The following FGF14 variants were observed in gnomAD, a reference collection of about 807,000 sequenced individuals.
FGF14 encodes the protein fibroblast growth factor 14.
In FGF14, 5 loss-of-function variants were observed where a neutral mutation model predicts 25.5. The observed-to-expected ratio is 0.20, with a 90% CI of 0.10 to 0.41. The LOEUF is 0.41. FGF14 is among the 10% of genes least tolerant of loss of function. FGF14 has a pLI of 1.00. For synonymous variants in FGF14, 138 were observed against 118.3 expected (o/e 1.17, Z -1.08); for missense variants, 222 against 320.1 (o/e 0.69, Z 2.34).
At chr13:102,351,716 G>T (rs2057285505) in intron 1 of FGF14, among the ~76,000 whole-genome samples, 1 of 152,232 alleles carries the variant, frequency 6.6e-6, no homozygotes, top group African/African-American at 2.4e-5. Context: ...CACCATGGGG[G>T]CCTTTCCACA....
intron 1 of FGF14, among the ~76,000 whole-genome samples, chr13:102,191,902 AT>A (rs1328780604): frequency 2.0e-5 from 3 of 152,210 alleles, no homozygotes; most frequent in Non-Finnish European, 4.4e-5. Flanking sequence ...AAAAGGAAAA[AT>A]TAAGAAAGAA....
At chr13:101,904,127 T>C (rs2031931310) in intron 1 of FGF14, among the ~76,000 whole-genome samples, 1 of 152,192 alleles carries the variant, frequency 6.6e-6, no homozygotes, top group South Asian at 2.1e-4. Flanking sequence ...GTTCAATGGG[T>C]TCATTGCATA....
At position 101,947,217 on chromosome 13, in the gene FGF14, C is replaced by T. The variant is rs140062750; in HGVS notation, c.209-71921G>A. Among the ~76,000 whole-genome samples the T allele has an allele frequency of 8.1e-4, 123 of 152,278 alleles. No individual in the cohort carries two copies. The Middle Eastern group carries it at 0.014, about 17-fold the overall frequency. On this transcript the variant is annotated intron_variant, in intron 1 of 4. Transcript: ENST00000376131. ...GCGAGGCTGCAGAGCAAAAGGAATGCTTATACACTGTTGGTGGGAATATAA... is the reference window on the plus strand; with the variant it reads ...GCGAGGCTGCAGAGCAAAAGGAATGTTTATACACTGTTGGTGGGAATATAA...
At chr13:102,219,336 T>G (rs2050510093) in intron 1 of FGF14, among the ~76,000 whole-genome samples, 3 of 152,164 alleles carry the variant, frequency 2.0e-5, no homozygotes, top group Admixed American at 2.0e-4. Flanking sequence ...CCCTACCTCC[T>G]GGGGCTGCTA....
intron 1 of FGF14, among the ~76,000 whole-genome samples, chr13:102,259,353 TTTTA>T (rs1394096101): frequency 1.2e-4 from 18 of 152,086 alleles, no homozygotes; most frequent in African/African-American, 3.6e-4. Context: ...TCCTAAATAA[TTTTA>T]TTTGACTGGT....
chr13:102,266,781 G>C (rs1475852540), intron 1 of FGF14, among the ~76,000 whole-genome samples: 1 of 152,046 alleles, frequency 6.6e-6, no homozygotes, highest in Non-Finnish European at 1.5e-5. Context: ...AACTACACTT[G>C]AGAAAGAAAA....
intron 1 of FGF14, among the ~76,000 whole-genome samples, chr13:101,927,138 C>T (rs969557464): frequency 6.6e-6 from 1 of 152,118 alleles, no homozygotes; most frequent in Non-Finnish European, 1.5e-5. Context: ...TGAGGTCCTA[C>T]AGAGATTTGA....
At chr13:101,810,223 C>A (rs755459983) in intron 3 of FGF14, among the ~76,000 whole-genome samples, 1 of 152,140 alleles carries the variant, frequency 6.6e-6, no homozygotes, top group Non-Finnish European at 1.5e-5. Context: ...CAAGTTTTAG[C>A]CCTGCAGTTT....
intron 1 of FGF14, among the ~76,000 whole-genome samples, chr13:102,003,660 G>T (rs1303513241): frequency 1.4e-5 from 2 of 144,092 alleles, no homozygotes; most frequent in Middle Eastern, 3.4e-3. Flanking sequence ...ATTGCAAGGG[G>T]TTAGCTTTTT....
intron 3 of FGF14, among the ~76,000 whole-genome samples, chr13:101,860,199 AT>A (rs1310561595): frequency 6.6e-6 from 1 of 151,956 alleles, no homozygotes; most frequent in Non-Finnish European, 1.5e-5. Flanking sequence ...TCTTTCTATC[AT>A]TTCTTATTTC....
At chr13:102,021,871 C>T (rs2040670328) in intron 1 of FGF14, among the ~76,000 whole-genome samples, 2 of 152,118 alleles carry the variant, frequency 1.3e-5, no homozygotes, top group South Asian at 4.1e-4. Flanking sequence ...CTTAGTTCTT[C>T]TACTAATAGA....
At chr13:102,333,988 T>C (rs1372273221) in intron 1 of FGF14, among the ~76,000 whole-genome samples, 1 of 152,208 alleles carries the variant, frequency 6.6e-6, no homozygotes, top group Non-Finnish European at 1.5e-5. Flanking sequence ...ATCACTCATC[T>C]GCCTGCTTGG....
chr13:102,230,635 G>A (rs2051041031), intron 1 of FGF14, among the ~76,000 whole-genome samples: 1 of 152,080 alleles, frequency 6.6e-6, no homozygotes, highest in Admixed American at 6.6e-5. Context: ...AGAAAAAGGA[G>A]GTGTGTGTGC....
At chr13:102,226,124 C>G (rs563765236) in intron 1 of FGF14, among the ~76,000 whole-genome samples, 1 of 152,114 alleles carries the variant, frequency 6.6e-6, no homozygotes, top group Admixed American at 6.6e-5. Flanking sequence ...CCAGCTGGCC[C>G]GTCCCTTACA....
intron 1 of FGF14, among the ~76,000 whole-genome samples, chr13:102,063,264 T>C (rs1043551850): frequency 1.3e-4 from 20 of 152,278 alleles, no homozygotes; most frequent in African/African-American, 4.6e-4. Context: ...GAAAGTAATA[T>C]TGATATATTC....
chr13:102,128,970 A>G (rs1019254899), intron 1 of FGF14, among the ~76,000 whole-genome samples: 8 of 152,118 alleles, frequency 5.3e-5, no homozygotes, highest in Admixed American at 2.6e-4. Context: ...GTAATCTCAG[A>G]TAGTTGGGAG....
intron 1 of FGF14, among the ~76,000 whole-genome samples, chr13:101,973,206 T>G (rs2037719064): frequency 6.6e-6 from 1 of 151,696 alleles, no homozygotes; most frequent in Non-Finnish European, 1.5e-5. Flanking sequence ...TAATTGGAAC[T>G]GAGTAGTACA....
chr13:101,867,937 C>CGT (rs2044818169), intron 3 of FGF14, among the ~76,000 whole-genome samples: 3 of 128,240 alleles, frequency 2.3e-5, no homozygotes, highest in East Asian at 7.7e-4. Context: ...CACACACACG[C>CGT]GCACACACAC....
At chr13:101,813,563 G>A (rs774520212) in intron 3 of FGF14, among the ~76,000 whole-genome samples, 4 of 152,128 alleles carry the variant, frequency 2.6e-5, no homozygotes, top group Non-Finnish European at 5.9e-5. Flanking sequence ...GTAAATTTCC[G>A]TTCTTCATCT....
Sources: allele counts gnomAD v4.1 joint callset (sites outside exome capture counted in the v4.1 genomes callset), GRCh38; gene constraint gnomAD v4.1.1; transcripts MANE v1.5; gene names NCBI Gene and HGNC (gene_info 2026-07-23, HGNC 2026-07-21).